The following KCNK3 variants were observed in gnomAD, a reference collection of about 807,000 sequenced individuals.
KCNK3 encodes the protein potassium two pore domain channel subfamily K member 3, also known as potassium channel subfamily K member 3.
Under a neutral mutation model 27.3 loss-of-function variants are expected in KCNK3, and 9 were observed. The ratio of observed to expected loss-of-function variants is 0.33; its 90% confidence interval spans 0.20 to 0.57. The LOEUF is 0.57. KCNK3 is among the 20% of genes least tolerant of loss of function. KCNK3 has a pLI of 0.87. For synonymous variants in KCNK3, 278 were observed against 273.8 expected (o/e 1.02, Z -0.15); for missense variants, 391 against 577.7 (o/e 0.68, Z 3.31).
chr2:26,711,855 C>G (rs1663113658), intron 1 of KCNK3, among the ~76,000 whole-genome samples: 1 of 152,138 alleles, frequency 6.6e-6, no homozygotes, highest in Non-Finnish European at 1.5e-5. Context: ...TGCCCAGATT[C>G]CATATCGGGG....
rs56401258 is a variant in KCNK3 at position 26,714,886 on chromosome 2, AAAAT to A, written c.284-12754_284-12751del. Among the ~76,000 whole-genome samples, 394 of 145,914 alleles carry A rather than the reference AAAAT, an allele frequency of 2.7e-3. 2 individuals are homozygous for A. Among genetic ancestry groups the A allele is most frequent in the Middle Eastern group, 6.8e-3 (2 of 292 alleles). ...GGGTGACAGAGTGAGACTCCATCTC[AAAAT>A]AAATAAATAAATAAATAAATAAATA... On this transcript the variant is annotated intron_variant, in intron 1 of 1. Transcript: ENST00000302909.
chr2:26,698,288 G>A (rs555936270), intron 1 of KCNK3, among the ~76,000 whole-genome samples: 16 of 152,222 alleles, frequency 1.1e-4, no homozygotes, highest in African/African-American at 2.4e-4. Flanking sequence ...GGCGTGCTTC[G>A]ACCCCACAAT....
intron 1 of KCNK3, among the ~76,000 whole-genome samples, chr2:26,722,435 T>C (rs960530055): frequency 1.3e-5 from 2 of 152,238 alleles, no homozygotes; most frequent in African/African-American, 4.8e-5. Context: ...GTCTATGAAC[T>C]CAATCAAGTC....
rs986031775 is a variant in KCNK3 at position 26,706,254 on chromosome 2, G to A, written c.283+13096G>A. 7.9e-5 allele frequency among the ~76,000 whole-genome samples: 12 copies of A among 152,272 alleles called. No individual in the cohort carries two copies. In the East Asian group the frequency reaches 2.3e-3, roughly 30 times the overall value. ...GGTGAGCCAGGTGGCCAAGACATCA[G>A]GAGTCAGTGGGTGGCCCCCAGAGAA... On this transcript the variant is annotated intron_variant, in intron 1 of 1. Transcript: ENST00000302909.
At chr2:26,698,865 G>A (rs997064452) in intron 1 of KCNK3, among the ~76,000 whole-genome samples, 2 of 152,180 alleles carry the variant, frequency 1.3e-5, no homozygotes, top group African/African-American at 4.8e-5. Context: ...GGAGGCTGAG[G>A]TGGGCAGACC....
intron 1 of KCNK3, among the ~76,000 whole-genome samples, chr2:26,699,703 C>T (rs1165716413): frequency 1.3e-5 from 2 of 152,234 alleles, no homozygotes; most frequent in Non-Finnish European, 2.9e-5. Context: ...CCTCCACTCC[C>T]TCTCCACCTT....
At chr2:26,715,691 G>C (rs912241667) in intron 1 of KCNK3, among the ~76,000 whole-genome samples, 10 of 152,194 alleles carry the variant, frequency 6.6e-5, no homozygotes, top group African/African-American at 2.4e-4. Context: ...GGGCCGGGAG[G>C]GTGTAGGGGC....
At position 26,732,844 on chromosome 2, in the gene KCNK3, T is replaced by C. The variant is rs1031106345; in HGVS notation, c.*4276T>C. On this transcript the variant is annotated 3_prime_UTR_variant, in exon 2 of 2. Transcript: ENST00000302909. ...TTGCAGGACATAAATGTGATGACAC[T>C]TGCCCTCCTTTCTTTATCGCCTGGG... The C allele has an allele frequency of 1.3e-5, 2 of 152,292 alleles. No individual in the cohort carries two copies. Among genetic ancestry groups the C allele is most frequent in the African/African-American group, 4.8e-5 (2 of 41,468 alleles). 9.4% of individuals were successfully genotyped at this position (152,292 alleles called of 1,614,324 possible).
At position 26,728,836 on chromosome 2, in the gene KCNK3, G is replaced by C. The variant is rs1022303647; in HGVS notation, c.*268G>C. 1.8e-5 allele frequency: 7 copies of C among 380,666 alleles called. No homozygotes were observed. Among genetic ancestry groups the C allele is most frequent in the African/African-American group, 6.2e-5 (3 of 48,168 alleles). The allele number at this position is 380,666 out of a possible 1,614,324, so 23.6% of individuals were successfully genotyped here. A position where few individuals can be genotyped will look rare whatever the true frequency, so the allele number is the denominator to read the frequency against. On this transcript the variant is annotated 3_prime_UTR_variant, in exon 2 of 2. Transcript: ENST00000302909. ...GTCAGGGAGGAAAGGCAGAAGCTGG[G>C]AGCCTCCCTTCCCTTTGAAAATCTA...
Position 26,705,068 on chromosome 2 carries a change from G to A in KCNK3, c.283+11910G>A, listed in dbSNP as rs139653564. Reference sequence around the variant, plus strand: ...CAGCCTCGACTTCCCTGGCTCAAATGACCCTCCCACCTCAGCCTCCCAAGT... The same window carrying A: ...CAGCCTCGACTTCCCTGGCTCAAATAACCCTCCCACCTCAGCCTCCCAAGT... On this transcript the variant is annotated intron_variant, in intron 1 of 1. Coordinates refer to ENST00000302909, the MANE Select transcript of KCNK3 (RefSeq NM_002246.3). Among the ~76,000 whole-genome samples the A allele has an allele frequency of 5.3e-4, 81 of 152,058 alleles. 1 individual carries two copies. The East Asian group carries it at 8.3e-3, about 16-fold the overall frequency.
rs767565044 is a variant in KCNK3 at position 26,728,073 on chromosome 2, G to C, written c.690G>C (p.Thr230=). The change falls in exon 2 of 2, where the codon ACG becomes ACC. Residue 230 remains threonine, a synonymous_variant. Coordinates refer to ENST00000302909, the MANE Select transcript of KCNK3 (RefSeq NM_002246.3). ...CCTTCAGCTTCGTCTACATCCTTAC[G>C]GGCCTCACGGTCATCGGCGCCTTCC... ...YVAFSFVYIL[T]GLTVIGAFLN... is the part of the protein sequence containing the mutation. 9 of 1,613,960 alleles carry C rather than the reference G, an allele frequency of 5.6e-6. No individual in the cohort carries two copies. The highest frequency in any genetic ancestry group is 6.8e-6 in the Non-Finnish European group (8 of 1,179,932).
At chr2:26,704,678 C>T (rs2148258121) in intron 1 of KCNK3, among the ~76,000 whole-genome samples, 1 of 152,360 alleles carries the variant, frequency 6.6e-6, no homozygotes, top group East Asian at 1.9e-4. Context: ...GAGGTCTAGT[C>T]CCCCTGCCCG....
chr2:26,706,780 G>A (rs918976439), intron 1 of KCNK3, among the ~76,000 whole-genome samples: 4 of 152,158 alleles, frequency 2.6e-5, no homozygotes, highest in African/African-American at 9.7e-5. Flanking sequence ...GTAGAGGCAG[G>A]CATCTCGTCC....
chr2:26,698,411 A>G (rs1670261584), intron 1 of KCNK3, among the ~76,000 whole-genome samples: 1 of 152,212 alleles, frequency 6.6e-6, no homozygotes, highest in Non-Finnish European at 1.5e-5. Flanking sequence ...ATGTCCTTGG[A>G]CACATTATCT....
In KCNK3 at chr2:26,730,714, T is replaced by G. The variant is rs1731259; in HGVS notation, c.*2146T>G. ...GAGTCCCGTCTCAGTGTGGAGGAAC[T>G]GGCTGCACGTGGGACCTGAAGGTGC... is the stretch of plus-strand genomic sequence containing the variant. On this transcript the variant is annotated 3_prime_UTR_variant, in exon 2 of 2. Transcript: ENST00000302909. 0.57 allele frequency: 86,420 copies of G among 152,380 alleles called. 25,968 individuals are homozygous for G. The highest frequency in any genetic ancestry group is 0.8 in the East Asian group (4,113 of 5,132). The allele number at this position is 152,380 out of a possible 1,614,324, so 9.4% of individuals were successfully genotyped here.
intron 1 of KCNK3, among the ~76,000 whole-genome samples, chr2:26,712,434 C>T (rs113585701): frequency 6.6e-6 from 1 of 152,128 alleles, no homozygotes; most frequent in East Asian, 1.9e-4. Context: ...TCTGTGTCCC[C>T]TTGGCTGGAG....
At chr2:26,717,477 TG>T (rs1243188016) in intron 1 of KCNK3, among the ~76,000 whole-genome samples, 2 of 152,290 alleles carry the variant, frequency 1.3e-5, no homozygotes, top group Non-Finnish European at 2.9e-5. Flanking sequence ...AAAAAGCATG[TG>T]GGGGAAAACT....
chr2:26,717,397 G>T (rs1217317983), intron 1 of KCNK3, among the ~76,000 whole-genome samples: 6 of 152,210 alleles, frequency 3.9e-5, no homozygotes, highest in African/African-American at 1.4e-4. Context: ...GGCTCAACAG[G>T]AAAGGCCTGG....
chr2:26,707,919 T>C (rs1670395185), intron 1 of KCNK3, among the ~76,000 whole-genome samples: 1 of 151,832 alleles, frequency 6.6e-6, no homozygotes, highest in Admixed American at 6.6e-5. Flanking sequence ...CTCTTTCCAC[T>C]CCCCTCAGGC....
Sources: gnomAD v4.1 joint callset for allele counts (sites outside exome capture counted in the v4.1 genomes callset) on GRCh38, gnomAD v4.1.1 for gene constraint, MANE v1.5 for transcripts, NCBI Gene and HGNC (gene_info 2026-07-23, HGNC 2026-07-21) for gene names.